Variants in FAM171B observed in about 807,000 individuals in gnomAD.
FAM171B encodes family with sequence similarity 171 member B.
A neutral mutation model predicts 75.6 loss-of-function variants in FAM171B; 19 were observed. The observed-to-expected ratio is 0.25, with a 90% confidence interval of 0.18 to 0.37. FAM171B has a LOEUF of 0.37. Among genes scored for constraint, FAM171B ranks in the 10% least tolerant of loss-of-function variants. The pLI is 1.00. For synonymous variants in FAM171B, 367 were observed against 361.7 expected (o/e 1.01, Z -0.17); for missense variants, 848 against 982.4 (o/e 0.86, Z 1.83).
intron 1 of FAM171B, among the ~76,000 whole-genome samples, chr2:186,713,787 G>T (rs1017811291): frequency 5.9e-5 from 9 of 152,132 alleles, no homozygotes; most frequent in African/African-American, 2.2e-4. Flanking sequence ...AAGAAAGCAA[G>T]AAAAATATAT....
At chr2:186,704,530 G>A (rs1181664549) in intron 1 of FAM171B, among the ~76,000 whole-genome samples, 1 of 152,052 alleles carries the variant, frequency 6.6e-6, no homozygotes, top group Non-Finnish European at 1.5e-5. Context: ...TTTTAAGGTA[G>A]ACACCCTTAA....
chr2:186,728,231 T>A (rs1360428609), intron 1 of FAM171B, among the ~76,000 whole-genome samples: 2 of 152,234 alleles, frequency 1.3e-5, no homozygotes, highest in Non-Finnish European at 2.9e-5. Flanking sequence ...TTATACATAT[T>A]CTAAATTAAT....
At position 186,761,737 on chromosome 2, in the gene FAM171B, A is replaced by G; in HGVS notation, c.1395A>G (p.Glu465=). The G allele has an allele frequency of 3.1e-6, 5 of 1,613,558 alleles. No individual in the cohort carries two copies. The highest frequency in any genetic ancestry group is 4.5e-5 in the East Asian group (2 of 44,870). Residue 465 remains glutamate, a synonymous_variant, in exon 8 of 8, where the codon GAA becomes GAG. Transcript: ENST00000304698. ...GGGACGATTTTAAAATCTACAATGAAGATGTTTCATTTCTATCAGTCAATC... is the reference window on the plus strand; with the variant it reads ...GGGACGATTTTAAAATCTACAATGAGGATGTTTCATTTCTATCAGTCAATC... The part of the protein sequence containing the change: ...KTRDDFKIYN[E]DVSFLSVNQN...
chr2:186,711,654 T>A (rs568350646), intron 1 of FAM171B, among the ~76,000 whole-genome samples: 27 of 152,310 alleles, frequency 1.8e-4, no homozygotes, highest in East Asian at 1.2e-3. Flanking sequence ...AATTATTATT[T>A]TTTTTTGCCT....
intron 6 of FAM171B, 142 bp from the exon 7 acceptor site, chr2:186,760,971 A>T: frequency 1.3e-6 from 1 of 786,410 alleles, no homozygotes; most frequent in Non-Finnish European, 2.0e-6. Flanking sequence ...GGTTTACTTC[A>T]CCCATAGGGA....
At chr2:186,708,826 T>C (rs527629375) in intron 1 of FAM171B, among the ~76,000 whole-genome samples, 1 of 152,236 alleles carries the variant, frequency 6.6e-6, no homozygotes, top group African/African-American at 2.4e-5. Context: ...ATACGTTGTC[T>C]AAAGGAAACT....
chr2:186,749,293 T>A (rs201485771), intron 4 of FAM171B, among the ~76,000 whole-genome samples: 1 of 152,232 alleles, frequency 6.6e-6, no homozygotes, highest in Non-Finnish European at 1.5e-5. Flanking sequence ...TTTTCTCCTC[T>A]GACTTGACTT....
chr2:186,743,715 C>T lies in FAM171B; in HGVS notation c.565+140C>T. ...TGATTAGCACTGACTATAAGTTGAT[C>T]TGAACTGATATTTTACTGTCAAATG... On this transcript the variant is annotated intron_variant, in intron 3 of 7. Transcript: ENST00000304698. 1.4e-5 allele frequency: 8 copies of T among 585,370 alleles called. No individual in the cohort carries two copies. In the South Asian group the frequency reaches 1.9e-4, roughly 14 times the overall value. The allele number at this position is 585,370 out of a possible 1,614,324, so 36.3% of individuals were successfully genotyped here. A position where few individuals can be genotyped will look rare whatever the true frequency, so the allele number is the denominator to read the frequency against.
At chr2:186,751,617 A>C (rs1418521544) in intron 5 of FAM171B, among the ~76,000 whole-genome samples, 1 of 152,182 alleles carries the variant, frequency 6.6e-6, no homozygotes, top group Admixed American at 6.5e-5. Context: ...TGATAAGCTC[A>C]TAATACCTAT....
At chr2:186,700,900 A>T (rs1286493074) in intron 1 of FAM171B, among the ~76,000 whole-genome samples, 1 of 152,060 alleles carries the variant, frequency 6.6e-6, no homozygotes, top group African/African-American at 2.4e-5. Flanking sequence ...ACTTTTTCTT[A>T]AAATAATTTA....
intron 1 of FAM171B, among the ~76,000 whole-genome samples, chr2:186,722,164 A>G (rs1163228837): frequency 6.6e-6 from 1 of 152,116 alleles, no homozygotes; most frequent in Non-Finnish European, 1.5e-5. Flanking sequence ...TTGCATGGAA[A>G]ATTTAAAATG....
At chr2:186,712,215 A>G (rs1332259155) in intron 1 of FAM171B, among the ~76,000 whole-genome samples, 1 of 152,136 alleles carries the variant, frequency 6.6e-6, no homozygotes, top group Non-Finnish European at 1.5e-5. Context: ...ACTTGTTATT[A>G]TCTTCTTTTT....
At chr2:186,728,234 AAATT>A (rs1299237850) in intron 1 of FAM171B, among the ~76,000 whole-genome samples, 1 of 152,228 alleles carries the variant, frequency 6.6e-6, no homozygotes, top group Non-Finnish European at 1.5e-5. Flanking sequence ...TACATATTCT[AAATT>A]AATTTCTACA....
intron 3 of FAM171B, among the ~76,000 whole-genome samples, chr2:186,746,785 C>T (rs1327108587): frequency 2.0e-5 from 3 of 152,194 alleles, no homozygotes; most frequent in Admixed American, 1.3e-4. Context: ...ATCAACTCCA[C>T]TACCGTTACA....
At chr2:186,699,881 T>C (rs1689632701) in intron 1 of FAM171B, among the ~76,000 whole-genome samples, 1 of 152,202 alleles carries the variant, frequency 6.6e-6, no homozygotes, top group African/African-American at 2.4e-5. Context: ...GAATAGACTG[T>C]CCTTCCCCTA....
rs753503826 is a variant in FAM171B at position 186,761,833 on chromosome 2, T to C, written c.1491T>C (p.Ile497=). ...TAGGGTCCAAACAACCTAAACATAT[T>C]AACAACAATCTATCTTCATCTCTAG... The part of the protein sequence containing the change: ...PNVGSKQPKH[I]NNNLSSSLGD... Residue 497 remains isoleucine (I), a synonymous_variant, in exon 8 of 8, where the codon ATT becomes ATC. Transcript: ENST00000304698. 5 of 1,613,072 alleles carry C rather than the reference T, an allele frequency of 3.1e-6. No individual in the cohort carries two copies. Among genetic ancestry groups the C allele is most frequent in the Non-Finnish European group, 3.4e-6 (4 of 1,179,720 alleles).
chr2:186,749,217 T>A (rs1035585688), intron 4 of FAM171B, among the ~76,000 whole-genome samples: 3 of 152,220 alleles, frequency 2.0e-5, no homozygotes, highest in African/African-American at 7.2e-5. Context: ...GATAAAAATG[T>A]CCTTTCATAA....
intron 1 of FAM171B, among the ~76,000 whole-genome samples, chr2:186,719,021 T>C (rs1183986866): frequency 6.6e-6 from 1 of 152,226 alleles, no homozygotes; most frequent in East Asian, 1.9e-4. Context: ...TGCTATTCTT[T>C]AAGGCACTCA....
At chr2:186,711,279 G>T (rs774742920) in intron 1 of FAM171B, among the ~76,000 whole-genome samples, 1 of 152,066 alleles carries the variant, frequency 6.6e-6, no homozygotes, top group Non-Finnish European at 1.5e-5. Flanking sequence ...CATTTATTTT[G>T]TTGTTTGGTC....
Sources: gnomAD v4.1 joint callset for allele counts (sites outside exome capture counted in the v4.1 genomes callset) on GRCh38, gnomAD v4.1.1 for gene constraint, MANE v1.5 for transcripts, NCBI Gene and HGNC (gene_info 2026-07-23, HGNC 2026-07-21) for gene names.